The following SH3RF3 variants were observed in gnomAD, a reference collection of about 807,000 sequenced individuals.
The protein encoded by SH3RF3 is SH3 domain containing ring finger 3.
A neutral mutation model predicts 66.3 loss-of-function variants in SH3RF3; 29 were observed. That is an observed-to-expected ratio of 0.44 (90% CI 0.33 to 0.60). SH3RF3 has a LOEUF of 0.60. Among genes scored for constraint, SH3RF3 ranks in the 20% least tolerant of loss-of-function variants. The pLI, the probability that SH3RF3 is intolerant of heterozygous loss-of-function variation, is 0.04. For missense variants in SH3RF3, 1,194 were observed against 1,190.9 expected, an observed-to-expected ratio of 1.00 and a Z score of -0.04; for synonymous variants, 583 against 532.0, an observed-to-expected ratio of 1.10 and a Z score of -1.32.
intron 1 of SH3RF3, among the ~76,000 whole-genome samples, chr2:109,250,454 G>A (rs530197099): frequency 1.3e-5 from 2 of 151,404 alleles, no homozygotes; most frequent in Non-Finnish European, 2.9e-5. Flanking sequence ...TGATATACTC[G>A]GAAAACTTAC....
chr2:109,425,496 T>C (rs1289173070), intron 5 of SH3RF3, among the ~76,000 whole-genome samples: 1 of 152,158 alleles, frequency 6.6e-6, no homozygotes, highest in Non-Finnish European at 1.5e-5. Flanking sequence ...CAGACTCTCT[T>C]GTTAGGGGCT....
At chr2:109,169,777 C>T (rs927097663) in intron 1 of SH3RF3, among the ~76,000 whole-genome samples, 2 of 151,462 alleles carry the variant, frequency 1.3e-5, no homozygotes, top group African/African-American at 4.9e-5. Context: ...CACACATGAC[C>T]CCCCAAAATC....
intron 9 of SH3RF3, among the ~76,000 whole-genome samples, chr2:109,496,269 T>G (rs1487032912): frequency 6.6e-6 from 1 of 152,190 alleles, no homozygotes; most frequent in Non-Finnish European, 1.5e-5. Context: ...TTTATAATCC[T>G]CTTGCTAGCT....
At position 109,490,702 on chromosome 2, in the gene SH3RF3, A is replaced by G. The variant is rs1166124277; in HGVS notation, c.2246A>G (p.Gln749Arg). 1.0e-5 allele frequency: 16 copies of G among 1,533,182 alleles called. No homozygotes were observed. The Admixed American group carries it at 2.0e-4, about 19-fold the overall frequency. 95.0% of individuals were successfully genotyped at this position (1,533,182 alleles called of 1,614,324 possible). The change falls in exon 9 of 10, where the codon CAG (glutamine) becomes CGG (arginine). Residue 749 changes from glutamine to arginine, a missense_variant. Physicochemically the swap from Gln to Arg is conservative, Grantham distance 43. Transcript: ENST00000309415. ...TCTGTGTCTCCAACCCACGACCCCC[A>G]GGTGGCCGTGGACGCCCTGCTCCAA... Reference protein sequence around the residue: ...PPSVSPTHDPQVAVDALLQGA... With the variant: ...PPSVSPTHDPRVAVDALLQGA...
Position 109,501,644 on chromosome 2 carries a change from C to G in SH3RF3, c.2622C>G (p.Phe874Leu). 1 of 775,298 alleles carries G rather than the reference C, an allele frequency of 1.3e-6. No homozygotes were observed. 48.0% of individuals were successfully genotyped at this position (775,298 alleles called of 1,614,324 possible). ...AGCGGAACGGCCGCACAGGCCTCTTCCCGGGCAGCTTCGTCGAGAGCTTCT... is the reference window on the plus strand; with the variant it reads ...AGCGGAACGGCCGCACAGGCCTCTTGCCGGGCAGCTTCGTCGAGAGCTTCT... ...TLQRNGRTGL[F>L]PGSFVESF The change falls in exon 10 of 10, where the codon TTC becomes TTG. Residue 874 changes from phenylalanine (F) to leucine (L), a missense_variant. Phe to Leu is a conservative substitution (Grantham distance 22). Transcript: ENST00000309415.
intron 1 of SH3RF3, among the ~76,000 whole-genome samples, chr2:109,274,544 T>C (rs1214215296): frequency 2.6e-5 from 4 of 152,224 alleles, no homozygotes; most frequent in African/African-American, 9.7e-5. Flanking sequence ...AGGTCACATA[T>C]TGTATGATTT....
chr2:109,393,037 TCCAGC>T (rs1247557124), intron 3 of SH3RF3, among the ~76,000 whole-genome samples: 9 of 152,146 alleles, frequency 5.9e-5, no homozygotes, highest in Admixed American at 5.9e-4. Context: ...TTGATCGAAG[TCCAGC>T]CCAGCCCAGC....
chr2:109,149,338 T>TTGAGCTCCTCC (rs1427543644), intron 1 of SH3RF3, among the ~76,000 whole-genome samples: 1 of 152,100 alleles, frequency 6.6e-6, no homozygotes, highest in Non-Finnish European at 1.5e-5. Flanking sequence ...TGAGCTCCTC[T>TTGAGCTCCTCC]ACTCCATTTA....
intron 1 of SH3RF3, among the ~76,000 whole-genome samples, chr2:109,199,191 G>T (rs546905491): frequency 6.6e-6 from 1 of 151,934 alleles, no homozygotes; most frequent in South Asian, 2.1e-4. Context: ...AACCCTGTCT[G>T]TACGAAAAAT....
chr2:109,361,657 G>C (rs544927365), intron 2 of SH3RF3, among the ~76,000 whole-genome samples: 1 of 152,116 alleles, frequency 6.6e-6, no homozygotes, highest in Non-Finnish European at 1.5e-5. Context: ...TGTATTTTTA[G>C]TAGAGATGGG....
intron 1 of SH3RF3, among the ~76,000 whole-genome samples, chr2:109,269,175 A>G (rs921187863): frequency 5.3e-5 from 8 of 152,238 alleles, no homozygotes; most frequent in Admixed American, 3.9e-4. Context: ...GAGAGGGACC[A>G]CAGGCTGAGA....
intron 1 of SH3RF3, among the ~76,000 whole-genome samples, chr2:109,261,267 A>T (rs1013906325): frequency 7.9e-5 from 12 of 152,144 alleles, no homozygotes; most frequent in Non-Finnish European, 1.6e-4. Flanking sequence ...GAACAAAGCA[A>T]TGATGTGGAG....
At chr2:109,360,128 T>A (rs1350027152) in intron 2 of SH3RF3, among the ~76,000 whole-genome samples, 7 of 152,108 alleles carry the variant, frequency 4.6e-5, no homozygotes, top group Non-Finnish European at 1.0e-4. Flanking sequence ...AGGTAGAGAC[T>A]GAAAGCCTGC....
intron 1 of SH3RF3, among the ~76,000 whole-genome samples, chr2:109,239,616 C>T (rs1194378352): frequency 6.6e-6 from 1 of 152,110 alleles, no homozygotes; most frequent in East Asian, 1.9e-4. Context: ...CAGGCGTGAT[C>T]ATCCAGGATA....
At chr2:109,499,136 C>T (rs1679327146) in intron 9 of SH3RF3, among the ~76,000 whole-genome samples, 1 of 152,090 alleles carries the variant, frequency 6.6e-6, no homozygotes, top group South Asian at 2.1e-4. Context: ...TGGGCAGCCG[C>T]CAGGACCAGG....
At chr2:109,431,307 G>A (rs1487126935) in intron 5 of SH3RF3, among the ~76,000 whole-genome samples, 1 of 152,126 alleles carries the variant, frequency 6.6e-6, no homozygotes. Context: ...TTCATCTTTG[G>A]TCTCTTAGTG....
At chr2:109,279,466 G>A (rs1680833282) in intron 1 of SH3RF3, among the ~76,000 whole-genome samples, 1 of 152,170 alleles carries the variant, frequency 6.6e-6, no homozygotes, top group Non-Finnish European at 1.5e-5. Context: ...CTTTAATGCT[G>A]CTATGCTGCT....
chr2:109,347,991 C>T (rs368721985), intron 2 of SH3RF3, 42 bp downstream of exon 2: 116 of 1,556,790 alleles, frequency 7.5e-5, no homozygotes, highest in Non-Finnish European at 8.9e-5. Context: ...CCCATGCAGC[C>T]TCTGTGCCAC....
intron 2 of SH3RF3, among the ~76,000 whole-genome samples, chr2:109,358,719 C>T (rs541464249): frequency 3.5e-4 from 53 of 152,296 alleles, no homozygotes; most frequent in African/African-American, 1.3e-3. Flanking sequence ...AATATTTTCT[C>T]CCAGTCTGTA....
Sources: gnomAD v4.1 joint callset for allele counts (sites outside exome capture counted in the v4.1 genomes callset) on GRCh38, gnomAD v4.1.1 for gene constraint, MANE v1.5 for transcripts, NCBI Gene and HGNC (gene_info 2026-07-23, HGNC 2026-07-21) for gene names.